The following CTNND1 variants were observed in gnomAD, a reference collection of about 807,000 sequenced individuals.
CTNND1 encodes the protein catenin delta 1.
In CTNND1, 16 loss-of-function variants were observed where a neutral mutation model predicts 112.1. That is an observed-to-expected ratio of 0.14 (90% CI 0.10 to 0.22). CTNND1 has a LOEUF of 0.22. CTNND1 is among the 10% of genes least tolerant of loss of function. CTNND1 has a pLI of 1.00. For synonymous variants in CTNND1, 420 were observed against 446.5 expected (o/e 0.94, Z 0.75); for missense variants, 1,008 against 1,257.0 (o/e 0.80, Z 3.00).
Position 57,805,911 on chromosome 11 carries a change from G to T in CTNND1, c.1752G>T (p.Arg584=). Reference sequence around the variant, plus strand: ...TAGAGAACTGTGTTTGCCTTCTTCGGAACTTATCATATCAAGTTCACCGGG... The same window carrying T: ...TAGAGAACTGTGTTTGCCTTCTTCGTAACTTATCATATCAAGTTCACCGGG... ...KLVENCVCLL[R]NLSYQVHREI... is the part of the protein sequence containing the mutation. The change falls in exon 10 of 21, where the codon CGG becomes CGT. Residue 584 remains arginine, a synonymous_variant. Transcript: ENST00000399050. 6.2e-7 allele frequency: 1 copy of T among 1,613,818 alleles called. No homozygotes were observed. Among genetic ancestry groups the T allele is most frequent in the Non-Finnish European group, 8.5e-7 (1 of 1,179,842 alleles).
intron 12 of CTNND1, among the ~76,000 whole-genome samples, chr11:57,807,438 T>A (rs182751535): frequency 2.0e-5 from 3 of 151,800 alleles, no homozygotes; most frequent in Admixed American, 2.0e-4. Context: ...AAACCCTGTC[T>A]CTACTAAAAA....
In CTNND1 at chr11:57,796,812, C is replaced by T. The variant is rs932070413; in HGVS notation, c.776C>T (p.Pro259Leu). 6.2e-7 allele frequency: 1 copy of T among 1,610,136 alleles called. No individual in the cohort carries two copies. The highest frequency in any genetic ancestry group is 1.3e-5 in the African/African-American group (1 of 74,834). The change falls in exon 6 of 21, where the codon CCC becomes CTC. Residue 259 changes from proline (P) to leucine (L), a missense_variant. By Grantham distance (98) the Pro-to-Leu change is moderately conservative. Coordinates refer to ENST00000399050, the MANE Select transcript of CTNND1 (RefSeq NM_001085458.2). ...CCTAGTAGACAGGATGTGTATGGGC[C>T]CCAACCCCAGGTTCGGGTAGGTGGG... ...RAPSRQDVYG[P>L]QPQVRVGGSS... is the part of the protein sequence containing the mutation.
intron 1 of CTNND1, chr11:57,781,765 G>C (rs1189384445): frequency 1.3e-5 from 2 of 152,614 alleles, no homozygotes; most frequent in South Asian, 4.1e-4. Flanking sequence ...TGGCCTGAGA[G>C]ATCAGGACTT....
intron 1 of CTNND1, among the ~76,000 whole-genome samples, chr11:57,783,305 A>T (rs1159799619): frequency 3.3e-5 from 5 of 151,864 alleles, no homozygotes; most frequent in African/African-American, 1.2e-4. Context: ...AACAAAAAAA[A>T]ACGTGGAACA....
Position 57,801,673 on chromosome 11 carries a change from G to A in CTNND1, c.957-60G>A, listed in dbSNP as rs1424852506. The A allele has an allele frequency of 3.5e-6, 5 of 1,413,878 alleles. 1 individual carries two copies. Among genetic ancestry groups the A allele is most frequent in the Non-Finnish European group, 4.9e-6 (5 of 1,022,486 alleles). The allele number at this position is 1,413,878 out of a possible 1,614,324, so 87.6% of individuals were successfully genotyped here. A position where few individuals can be genotyped will look rare whatever the true frequency, so the allele number is the denominator to read the frequency against. On this transcript the variant is annotated intron_variant, in intron 6 of 20. Transcript: ENST00000399050. Reference sequence around the variant, plus strand: ...CTTTGCAGATGAGGGTAATGGGAATGTCCAGGAAGCTAGCCATAATGACTT... The same window carrying A: ...CTTTGCAGATGAGGGTAATGGGAATATCCAGGAAGCTAGCCATAATGACTT...
rs144978541 is a variant in CTNND1 at position 57,811,471 on chromosome 11, C to T, written c.2623C>T (p.Arg875Trp). ...YDDSTLPLID[R>W]NQKSDKKPDR... ...TGATAGTACTCTCCCTCTCATTGACCGGAACCAAAAATCAGGTGCAGTATC... is the reference window on the plus strand; with the variant it reads ...TGATAGTACTCTCCCTCTCATTGACTGGAACCAAAAATCAGGTGCAGTATC... The change falls in exon 17 of 21, where the codon CGG becomes TGG. Residue 875 changes from arginine to tryptophan, a missense_variant. Around this residue, in one of 5 missense-constraint regions of CTNND1, gnomAD observed 106 missense variants for 116.2 expected, o/e 0.91. Coordinates refer to ENST00000399050, the MANE Select transcript of CTNND1 (RefSeq NM_001085458.2). 515 of 1,612,430 alleles carry T rather than the reference C, an allele frequency of 3.2e-4. 7 individuals are homozygous for T. In the South Asian group the frequency reaches 5.0e-3, roughly 16 times the overall value.
At position 57,803,810 on chromosome 11, in the gene CTNND1, A is replaced by G. The variant is rs768075383; in HGVS notation, c.1604+6A>G. On this transcript the variant is annotated splice_donor_region_variant and intron_variant, in intron 8 of 20. Coordinates refer to ENST00000399050, the MANE Select transcript of CTNND1 (RefSeq NM_001085458.2). ...AACACAGCTGGCTGCCTTAGGTAAC[A>G]GTAGGGACTTTGAGAATATGAAGAT... The G allele has an allele frequency of 6.3e-7, 1 of 1,576,014 alleles. No homozygotes were observed. Among genetic ancestry groups the G allele is most frequent in the South Asian group, 1.2e-5 (1 of 84,914 alleles).
intron 16 of CTNND1, 150 bp from the exon 17 acceptor site, chr11:57,811,249 C>G (rs1334203698): frequency 1.9e-6 from 1 of 523,950 alleles, no homozygotes; most frequent in Admixed American, 3.6e-5. Context: ...CCTAGTTTGT[C>G]TCACTGTCTA....
chr11:57,773,621 CTTT>C (rs879611637), intron 1 of CTNND1, among the ~76,000 whole-genome samples: 2 of 138,114 alleles, frequency 1.4e-5, no homozygotes, highest in Admixed American at 7.3e-5. Flanking sequence ...CTGGCTATGT[CTTT>C]TTTTTTTTTT....
At chr11:57,783,930 C>T (rs1184287841) in intron 1 of CTNND1, among the ~76,000 whole-genome samples, 3 of 151,750 alleles carry the variant, frequency 2.0e-5, no homozygotes, top group African/African-American at 4.8e-5. Context: ...TATTTATTTA[C>T]GTATTTATTT....
At position 57,796,614 on chromosome 11, in the gene CTNND1, A is replaced by G. The variant is rs376734150; in HGVS notation, c.578A>G (p.Tyr193Cys). The G allele has an allele frequency of 6.2e-6, 10 of 1,613,862 alleles. No homozygotes were observed. Among genetic ancestry groups the G allele is most frequent in the African/African-American group, 2.7e-5 (2 of 74,908 alleles). ...AATGGCAATGGGGGACCTGGTCCCT[A>G]TGTGGGGCAAGCTGGCACTGCTACC... ...RKNGNGGPGPYVGQAGTATLP... is the reference protein window; with the variant it reads ...RKNGNGGPGPCVGQAGTATLP... The change falls in exon 6 of 21, where the codon TAT becomes TGT. Residue 193 changes from tyrosine (Y) to cysteine (C), a missense_variant. Tyr to Cys is a radical substitution (Grantham distance 194). Transcript: ENST00000399050.
chr11:57,796,966 A>G lies in CTNND1; in HGVS notation c.930A>G (p.Thr310=). The G allele has an allele frequency of 6.7e-7, 1 of 1,494,908 alleles. No homozygotes were observed. The allele number at this position is 1,494,908 out of a possible 1,614,324, so 92.6% of individuals were successfully genotyped here. A position where few individuals can be genotyped will look rare whatever the true frequency, so the allele number is the denominator to read the frequency against. Residue 310 remains threonine (T), a synonymous_variant, in exon 6 of 21, where the codon ACA becomes ACG. Coordinates refer to ENST00000399050, the MANE Select transcript of CTNND1 (RefSeq NM_001085458.2). ...SDYGTARRTG[T]PSDPRRRLRS... ...ATGGCACTGCCCGTCGGACTGGGAC[A>G]CCCTCTGACCCTCGTCGGCGCCTCA...
chr11:57,811,483 T>A lies in CTNND1; in HGVS notation c.2635T>A (p.Ser879Thr), dbSNP rs750790386. 17 of 1,610,212 alleles carry A rather than the reference T, an allele frequency of 1.1e-5. No individual in the cohort carries two copies. Among genetic ancestry groups the A allele is most frequent in the Non-Finnish European group, 1.4e-5 (17 of 1,177,220 alleles). ...TLPLIDRNQK[S>T]DKKPDREEIQ... ...CCCTCTCATTGACCGGAACCAAAAA[T>A]CAGGTGCAGTATCCAGAAGGCACAC... Residue 879 changes from serine (S) to threonine (T), a missense_variant, in exon 17 of 21, where the codon TCA (serine) becomes ACA (threonine). Coordinates refer to ENST00000399050, the MANE Select transcript of CTNND1 (RefSeq NM_001085458.2).
chr11:57,788,956 C>T lies in CTNND1; in HGVS notation c.-213-81C>T. 1 of 958,602 alleles carries T rather than the reference C, an allele frequency of 1.0e-6. No individual in the cohort carries two copies. The highest frequency in any genetic ancestry group is 1.6e-6 in the Non-Finnish European group (1 of 621,984). 59.4% of individuals were successfully genotyped at this position (958,602 alleles called of 1,614,324 possible). ...TTACTTCCTTTCATTCCTAATATTG[C>T]CCCTTGCTCTTCTTGTTTTTATGTA... On this transcript the variant is annotated intron_variant, in intron 1 of 20. Transcript: ENST00000399050. This position sits in a 1 kb window ranked among gnomAD's most constrained non-coding sequence, Gnocchi z 4.1.
At chr11:57,782,846 G>A (rs1052565625) in intron 1 of CTNND1, among the ~76,000 whole-genome samples, 6 of 152,240 alleles carry the variant, frequency 3.9e-5, no homozygotes, top group Admixed American at 6.5e-5. Flanking sequence ...TACAGGTTTT[G>A]TGACTTGAGT....
intron 1 of CTNND1, among the ~76,000 whole-genome samples, chr11:57,769,254 G>T (rs1951946224): frequency 1.3e-5 from 2 of 152,030 alleles, no homozygotes; most frequent in African/African-American, 4.8e-5. Flanking sequence ...CCCGGGAGGT[G>T]GAGGTTGCAG....
chr11:57,799,988 T>G (rs1190244599), intron 6 of CTNND1, among the ~76,000 whole-genome samples: 7 of 142,932 alleles, frequency 4.9e-5, no homozygotes, highest in South Asian at 2.3e-4. Flanking sequence ...TGTTTTTTTT[T>G]TTTTTTTTTT....
intron 9 of CTNND1, 47 bp downstream of exon 9, chr11:57,804,827 C>A: frequency 7.3e-7 from 1 of 1,361,518 alleles, no homozygotes; most frequent in Non-Finnish European, 1.0e-6. Flanking sequence ...TCATTCACCA[C>A]AACTATGAAG....
At chr11:57,810,440 T>C (rs1286931193) in intron 16 of CTNND1, among the ~76,000 whole-genome samples, 2 of 152,028 alleles carry the variant, frequency 1.3e-5, no homozygotes, top group African/African-American at 4.8e-5. Flanking sequence ...GTGATTCTTG[T>C]GCCTCAGCCT....
Sources: gnomAD v4.1 joint callset for allele counts (sites outside exome capture counted in the v4.1 genomes callset) on GRCh38, gnomAD v4.1.1 for gene constraint, gnomAD v4.1.1 regional missense constraint, Gnocchi (gnomAD v3.1) non-coding constraint, MANE v1.5 for transcripts, NCBI Gene and HGNC (gene_info 2026-07-23, HGNC 2026-07-21) for gene names.